The following FSTL4 variants were observed in gnomAD, a reference collection of about 807,000 sequenced individuals.
The protein encoded by FSTL4 is follistatin-related protein 4.
A neutral mutation model predicts 78.2 loss-of-function variants in FSTL4; 28 were observed. The observed-to-expected ratio is 0.36, with a 90% confidence interval of 0.27 to 0.49. The LOEUF is 0.49. Among genes scored for constraint, FSTL4 ranks in the 20% least tolerant of loss-of-function variants. FSTL4 has a pLI of 0.98. For missense variants in FSTL4, 922 were observed against 1,084.9 expected (o/e 0.85, Z 2.11); for synonymous variants, 422 against 440.5 (o/e 0.96, Z 0.53).
the FSTL4 span, among the ~76,000 whole-genome samples, chr5:133,673,258 G>C: frequency 0.36 from 54,315 of 152,028 alleles, 11,167 homozygotes; most frequent in African/African-American, 0.56. Flanking sequence ...TTCACAAACT[G>C]AAAGCAGGCA....
At chr5:133,320,483 G>A (rs547755281) in intron 4 of FSTL4, among the ~76,000 whole-genome samples, 19 of 152,084 alleles carry the variant, frequency 1.2e-4, no homozygotes, top group African/African-American at 4.1e-4. Flanking sequence ...GCCCATCAGA[G>A]AACCACTTGG....
At chr5:133,522,385 T>A (rs764529137) in intron 3 of FSTL4, among the ~76,000 whole-genome samples, 19 of 152,230 alleles carry the variant, frequency 1.2e-4, no homozygotes, top group Non-Finnish European at 1.9e-4. Context: ...AGATAGTAAT[T>A]ACCTATGTGC....
intron 14 of FSTL4, among the ~76,000 whole-genome samples, chr5:133,208,802 C>A (rs1750610791): frequency 6.6e-6 from 1 of 152,126 alleles, no homozygotes; most frequent in African/African-American, 2.4e-5. Flanking sequence ...TCCTGAGTAG[C>A]TGGGACTACA....
the FSTL4 span, among the ~76,000 whole-genome samples, chr5:133,808,218 CAT>C: frequency 6.6e-6 from 1 of 152,258 alleles, no homozygotes; most frequent in Non-Finnish European, 1.5e-5. Context: ...ATCTTTAAGA[CAT>C]AGTGCATCTC....
chr5:133,806,846 G>A, the FSTL4 span, among the ~76,000 whole-genome samples: 4 of 152,128 alleles, frequency 2.6e-5, no homozygotes, highest in South Asian at 6.2e-4. Flanking sequence ...ACCCTGCTCC[G>A]CATAAATGGA....
the FSTL4 span, among the ~76,000 whole-genome samples, chr5:133,697,523 A>G: frequency 6.6e-6 from 1 of 152,224 alleles, no homozygotes; most frequent in Non-Finnish European, 1.5e-5. Flanking sequence ...TGAATTTCCC[A>G]AGAAAACCCA....
intron 3 of FSTL4, among the ~76,000 whole-genome samples, chr5:133,487,703 TG>T (rs1758165316): frequency 6.6e-6 from 1 of 152,152 alleles, no homozygotes. Flanking sequence ...TGTACAGGTG[TG>T]GCCAGGGACT....
At chr5:133,431,482 C>T (rs2126996267) in intron 3 of FSTL4, among the ~76,000 whole-genome samples, 1 of 152,274 alleles carries the variant, frequency 6.6e-6, no homozygotes, top group East Asian at 1.9e-4. Flanking sequence ...GCAGGAGAGA[C>T]CGGGAGGAGA....
the FSTL4 span, among the ~76,000 whole-genome samples, chr5:133,754,162 C>T: frequency 6.6e-6 from 1 of 152,182 alleles, no homozygotes; most frequent in African/African-American, 2.4e-5. Flanking sequence ...AATCATCCAA[C>T]TCTAGACAAG....
chr5:133,796,040 T>C, the FSTL4 span, among the ~76,000 whole-genome samples: 1 of 152,222 alleles, frequency 6.6e-6, no homozygotes, highest in African/African-American at 2.4e-5. Flanking sequence ...CTGCTCTTCT[T>C]ACCAGCCCCC....
intron 4 of FSTL4, among the ~76,000 whole-genome samples, chr5:133,378,294 T>A (rs911655489): frequency 2.0e-5 from 3 of 152,188 alleles, no homozygotes; most frequent in African/African-American, 7.2e-5. Flanking sequence ...AGCAATTGTA[T>A]AAAATAATAT....
chr5:133,636,106 C>T, the FSTL4 span, among the ~76,000 whole-genome samples: 1 of 152,128 alleles, frequency 6.6e-6, no homozygotes, highest in Non-Finnish European at 1.5e-5. Context: ...AATAAACAAC[C>T]TTAAGGGGTT....
intron 6 of FSTL4, among the ~76,000 whole-genome samples, chr5:133,302,625 C>G (rs772552872): frequency 2.0e-5 from 3 of 152,208 alleles, no homozygotes; most frequent in Non-Finnish European, 4.4e-5. Flanking sequence ...CCCACCAGGA[C>G]AGCAGTGAGT....
intron 3 of FSTL4, among the ~76,000 whole-genome samples, chr5:133,412,314 C>T (rs902644849): frequency 6.6e-6 from 1 of 152,048 alleles, no homozygotes; most frequent in Non-Finnish European, 1.5e-5. Context: ...AAATCAGTGA[C>T]TGCAGATTTG....
chr5:133,646,911 G>C, the FSTL4 span, among the ~76,000 whole-genome samples: 2 of 152,126 alleles, frequency 1.3e-5, no homozygotes, highest in Admixed American at 1.3e-4. Context: ...CGTCGTTTTA[G>C]AGGCCCAAGA....
chr5:133,728,513 T>C, the FSTL4 span, among the ~76,000 whole-genome samples: 1 of 152,220 alleles, frequency 6.6e-6, no homozygotes, highest in African/African-American at 2.4e-5. Context: ...GACTTCATGC[T>C]TCCTAAAGAA....
intron 3 of FSTL4, among the ~76,000 whole-genome samples, chr5:133,499,034 G>A (rs867823751): frequency 1.4e-4 from 21 of 145,374 alleles, no homozygotes; most frequent in African/African-American, 4.3e-4. Flanking sequence ...CATTGCACTC[G>A]CAGGTAATTT....
chr5:133,739,592 G>A, the FSTL4 span, among the ~76,000 whole-genome samples: 7 of 152,128 alleles, frequency 4.6e-5, no homozygotes, highest in Admixed American at 6.5e-5. Context: ...ATCCCACAGC[G>A]TAACCTAGGA....
chr5:133,557,193 T>C (rs942485765), intron 3 of FSTL4, among the ~76,000 whole-genome samples: 2 of 152,226 alleles, frequency 1.3e-5, no homozygotes, highest in Admixed American at 1.3e-4. Flanking sequence ...ACTCACACTC[T>C]GTTAGAAGCT....
Sources: gnomAD v4.1 joint callset for allele counts (sites outside exome capture counted in the v4.1 genomes callset) on GRCh38, gnomAD v4.1.1 for gene constraint, MANE v1.5 for transcripts, NCBI Gene and HGNC (gene_info 2026-07-23, HGNC 2026-07-21) for gene names.